Variants in ILKAP observed in about 807,000 individuals in gnomAD.
ILKAP encodes integrin-linked kinase-associated serine/threonine phosphatase 2C.
Under a neutral mutation model 49.1 loss-of-function variants are expected in ILKAP, and 11 were observed. That is an observed-to-expected ratio of 0.22 (90% CI 0.14 to 0.37). ILKAP has a LOEUF of 0.37. Ranked by LOEUF, ILKAP falls within the 10% of genes least tolerant of loss-of-function variation. The probability of loss-of-function intolerance (pLI) is 1.00; values close to 1 mark genes in which losing one functional copy is unlikely to be tolerated. For missense variants in ILKAP, 363 were observed against 510.8 expected, an observed-to-expected ratio of 0.71 and a Z score of 2.79; for synonymous variants, 186 against 192.8, an observed-to-expected ratio of 0.96 and a Z score of 0.29.
At chr2:238,186,681 A>G (rs1693920467) in intron 5 of ILKAP, 1 of 152,126 alleles carries the variant, frequency 6.6e-6, no homozygotes, top group East Asian at 1.9e-4. Context: ...TATATGGAAT[A>G]AAAGACATCA....
rs557039199 is a variant in ILKAP, at chr2:238,192,178, GC to G, written c.178+2096del. ...GCTGAGATCGCAACACTGCACTCCA[GC>G]CTGCCAACAGAGTGAGACTGTCTTA... is the stretch of plus-strand genomic sequence containing the variant. On this transcript the variant is annotated intron_variant, in intron 3 of 11. Transcript: ENST00000254654. Among the ~76,000 whole-genome samples, 764 of 147,538 alleles carry G rather than the reference GC, an allele frequency of 5.2e-3. 4 individuals carry two copies. Among genetic ancestry groups the G allele is most frequent in the Non-Finnish European group, 8.6e-3 (580 of 67,336 alleles).
intron 4 of ILKAP, 187 bp downstream of exon 4, chr2:238,189,666 T>C (rs1033548074): frequency 1.4e-5 from 7 of 491,402 alleles, no homozygotes; most frequent in African/African-American, 1.2e-4. Flanking sequence ...GGATCAGAGA[T>C]AGATGTACAT....
At chr2:238,172,924 A>G (rs558648405) in intron 10 of ILKAP, among the ~76,000 whole-genome samples, 1 of 152,228 alleles carries the variant, frequency 6.6e-6, no homozygotes, top group Admixed American at 6.5e-5. Flanking sequence ...CCATAATGCC[A>G]TCTTTAACCA....
intron 9 of ILKAP, among the ~76,000 whole-genome samples, chr2:238,175,773 C>T (rs952048694): frequency 2.0e-5 from 3 of 152,142 alleles, no homozygotes; most frequent in East Asian, 3.9e-4. Context: ...TCCATTTCAC[C>T]GGAACTCTTT....
At chr2:238,171,086 AAAGGGCCTGGAGATGGAG>A in intron 10 of ILKAP, 62 bp from the exon 11 acceptor site, 1 of 1,133,580 alleles carries the variant, frequency 8.8e-7, no homozygotes. Flanking sequence ...AAAAATAAAA[AAAGGGCCTGGAGATGGAG>A]ATAAAATAAA....
chr2:238,190,961 C>CT (rs1694098365), intron 3 of ILKAP, among the ~76,000 whole-genome samples: 1 of 137,188 alleles, frequency 7.3e-6, no homozygotes, highest in African/African-American at 2.7e-5. Flanking sequence ...ATTTCTTCTT[C>CT]TTTTTGTTTT....
intron 3 of ILKAP, among the ~76,000 whole-genome samples, chr2:238,190,249 T>G (rs79110832): frequency 0.043 from 6,458 of 151,758 alleles, 201 homozygotes; most frequent in South Asian, 0.11. Context: ...AAATACATGG[T>G]TTTTTTTGGC....
intron 1 of ILKAP, 100 bp from the exon 2 acceptor site, chr2:238,194,970 TG>T: frequency 1.1e-6 from 1 of 897,822 alleles, no homozygotes; most frequent in Non-Finnish European, 1.8e-6. Flanking sequence ...GACACAAGTT[TG>T]CTATTAGATT....
Position 238,188,159 on chromosome 2 carries a change from C to G in ILKAP, c.397G>C (p.Glu133Gln). The change falls in exon 5 of 12, where the codon GAG becomes CAG. Residue 133 changes from glutamate (E) to glutamine (Q), a missense_variant. Around this residue, in one of 3 missense-constraint regions of ILKAP, gnomAD observed 166 missense variants for 307.3 expected, o/e 0.54. Transcript: ENST00000254654. ...AGGGACGATGGGGGCCTACACTCCT[C>G]GGTGATGTCGTTCAGGATGACGTGG... Reference protein sequence around the residue: ...DAHVILNDITEECRPPSSLIT... With the variant: ...DAHVILNDITQECRPPSSLIT... 1 of 1,614,160 alleles carries G rather than the reference C, an allele frequency of 6.2e-7. No homozygotes were observed. The highest frequency in any genetic ancestry group is 1.3e-5 in the African/African-American group (1 of 75,048).
rs1240182031 is a variant in ILKAP at position 238,178,551 on chromosome 2, A to C, written c.836+3514T>G. ...AATAAATATACTGTTGTTAAGAACC[A>C]AGATTTCTAGCATTAAGAGAAACGA... On this transcript the variant is annotated intron_variant, in intron 9 of 11. Coordinates refer to ENST00000254654, the MANE Select transcript of ILKAP (RefSeq NM_030768.3). Among the ~76,000 whole-genome samples, 3 of 152,242 alleles carry C rather than the reference A, an allele frequency of 2.0e-5. No homozygotes were observed. The East Asian group carries it at 5.8e-4, about 29-fold the overall frequency.
chr2:238,191,589 ATG>A (rs1694124679), intron 3 of ILKAP, among the ~76,000 whole-genome samples: 1 of 152,168 alleles, frequency 6.6e-6, no homozygotes, highest in South Asian at 2.1e-4. Flanking sequence ...CCCCATATGG[ATG>A]TGAAACTTTC....
Position 238,184,012 on chromosome 2 carries a change from A to G in ILKAP, c.626+8T>C, listed in dbSNP as rs749085187. ...TCCACTCAAACTTCATCATCAAGTTATACTTACTGGCTGGAAGCTTGTTTA... is the reference window on the plus strand; with the variant it reads ...TCCACTCAAACTTCATCATCAAGTTGTACTTACTGGCTGGAAGCTTGTTTA... On this transcript the variant is annotated splice_region_variant and intron_variant, in intron 7 of 11. Transcript: ENST00000254654. 1.9e-6 allele frequency: 3 copies of G among 1,547,346 alleles called. No individual in the cohort carries two copies.
chr2:238,171,384 C>G (rs1443605986), intron 10 of ILKAP, among the ~76,000 whole-genome samples: 5 of 152,244 alleles, frequency 3.3e-5, no homozygotes, highest in Middle Eastern at 3.4e-3. Flanking sequence ...TGGTCTCAAA[C>G]TCCTAACCTC....
intron 9 of ILKAP, among the ~76,000 whole-genome samples, chr2:238,176,298 A>G (rs567802483): frequency 6.6e-6 from 1 of 151,878 alleles, no homozygotes; most frequent in Non-Finnish European, 1.5e-5. Context: ...CGTGCCAGCT[A>G]ATTTTTTTAT....
At chr2:238,179,839 T>C (rs1353828502) in intron 9 of ILKAP, among the ~76,000 whole-genome samples, 2 of 152,182 alleles carry the variant, frequency 1.3e-5, no homozygotes, top group East Asian at 1.9e-4. Flanking sequence ...GTTCAGAATA[T>C]TGGTGACTCT....
rs562320002 is a variant in ILKAP at position 238,201,999 on chromosome 2, C to T, written c.55+1500G>A. On this transcript the variant is annotated intron_variant, in intron 1 of 11. Transcript: ENST00000254654. ...CAGCAATTTGGGAGGCCGAGGCGGG[C>T]GGATCACCTGAGGTCAGGAGTTCAA... Among the ~76,000 whole-genome samples the T allele has an allele frequency of 1.4e-3, 220 of 152,136 alleles. 8 individuals carry two copies. In the South Asian group the frequency reaches 0.045, roughly 31 times the overall value.
At chr2:238,192,517 G>A (rs1188201948) in intron 3 of ILKAP, among the ~76,000 whole-genome samples, 1 of 152,062 alleles carries the variant, frequency 6.6e-6, no homozygotes, top group East Asian at 1.9e-4. Flanking sequence ...GGCTAACATG[G>A]TGAAACCCCA....
intron 10 of ILKAP, among the ~76,000 whole-genome samples, chr2:238,172,744 G>A (rs72989071): frequency 0.021 from 3,261 of 152,262 alleles, 37 homozygotes; most frequent in South Asian, 0.062. Context: ...AGCAGCACTC[G>A]GAGGCCCACT....
intron 3 of ILKAP, among the ~76,000 whole-genome samples, 188 bp from the exon 4 acceptor site, chr2:238,190,160 G>A (rs954976664): frequency 1.3e-5 from 2 of 152,132 alleles, no homozygotes; most frequent in African/African-American, 4.8e-5. Flanking sequence ...CACAGTGAGA[G>A]AACATAAAGT....
Sources: allele counts gnomAD v4.1 joint callset (sites outside exome capture counted in the v4.1 genomes callset), GRCh38; gene constraint gnomAD v4.1.1; regional missense constraint gnomAD v4.1.1; transcripts MANE v1.5; gene names NCBI Gene and HGNC (gene_info 2026-07-23, HGNC 2026-07-21).